Variants in NSUN6 observed in about 807,000 individuals in gnomAD.
NSUN6 encodes NOP2/Sun RNA methyltransferase 6, also known as tRNA (cytosine(72)-C(5))-methyltransferase NSUN6.
In NSUN6, 64 loss-of-function variants were observed where a neutral mutation model predicts 58.0. That is an observed-to-expected ratio of 1.10 (90% confidence interval 0.90 to 1.36). The LOEUF (loss-of-function observed/expected upper bound fraction) is 1.36. NSUN6 is among the 40% of genes most tolerant of loss of function. NSUN6 has a pLI of 0.00. For synonymous variants in NSUN6, 231 were observed against 193.9 expected (o/e 1.19, Z -1.59); for missense variants, 701 against 550.1 (o/e 1.27, Z -2.74).
upstream of NSUN6, among the ~76,000 whole-genome samples, chr10:18,658,904 TAATA>T (rs926182910): frequency 4.6e-5 from 7 of 151,054 alleles, no homozygotes; most frequent in African/African-American, 1.7e-4. Context: ...ATGAATAGAT[TAATA>T]AATGAATGAA....
At chr10:18,565,303 T>C (rs1353391322) in intron 8 of NSUN6, among the ~76,000 whole-genome samples, 2 of 150,832 alleles carry the variant, frequency 1.3e-5, no homozygotes, top group African/African-American at 4.9e-5. Flanking sequence ...CCATTCTGCA[T>C]TCTCGATTCC....
At chr10:18,634,474 G>A (rs1380881474) in intron 3 of NSUN6, among the ~76,000 whole-genome samples, 4 of 152,030 alleles carry the variant, frequency 2.6e-5, no homozygotes, top group South Asian at 2.1e-4. Flanking sequence ...AGAACAAACC[G>A]GGCCTGGTGG....
chr10:18,648,325 T>C (rs962278055), intron 2 of NSUN6, among the ~76,000 whole-genome samples, 165 bp downstream of exon 2: 7 of 152,230 alleles, frequency 4.6e-5, no homozygotes, highest in African/African-American at 1.7e-4. Context: ...GTTCAAGTTC[T>C]AGCATTACCA....
At chr10:18,592,337 G>A (rs754219641) in intron 7 of NSUN6, among the ~76,000 whole-genome samples, 5 of 152,030 alleles carry the variant, frequency 3.3e-5, no homozygotes, top group Admixed American at 6.6e-5. Context: ...ATCAAGCCAC[G>A]ATTGTCTTTC....
intron 8 of NSUN6, among the ~76,000 whole-genome samples, chr10:18,553,806 G>T (rs546446053): frequency 6.6e-6 from 1 of 151,426 alleles, no homozygotes; most frequent in East Asian, 2.0e-4. Flanking sequence ...AGAATGGAAT[G>T]GAATGCAATG....
intron 3 of NSUN6, among the ~76,000 whole-genome samples, chr10:18,630,990 T>C (rs970862935): frequency 2.6e-5 from 4 of 151,802 alleles, no homozygotes; most frequent in African/African-American, 4.8e-5. Flanking sequence ...TGAACATTGA[T>C]GCAAAAATCC....
chr10:18,581,154 C>T (rs972392964), intron 8 of NSUN6, among the ~76,000 whole-genome samples: 3 of 152,008 alleles, frequency 2.0e-5, no homozygotes. Flanking sequence ...GGAGCGTGCA[C>T]AGTGTGTTTA....
chr10:18,572,810 C>T (rs1307273643), intron 8 of NSUN6, among the ~76,000 whole-genome samples: 1 of 151,158 alleles, frequency 6.6e-6, no homozygotes, highest in African/African-American at 2.4e-5. Flanking sequence ...TACTCCATTC[C>T]CTTCCATCCT....
chr10:18,596,190 C>T lies in NSUN6; in HGVS notation c.777+18G>A. On this transcript the variant is annotated intron_variant, in intron 7 of 10. Coordinates refer to ENST00000377304, the MANE Select transcript of NSUN6 (RefSeq NM_182543.5). ...ATACACTACTTTGAGAGTGGATTTGCTGTGAAGACAGTCTCACCTGATCAT... is the reference window on the plus strand; with the variant it reads ...ATACACTACTTTGAGAGTGGATTTGTTGTGAAGACAGTCTCACCTGATCAT... The T allele has an allele frequency of 6.2e-7, 1 of 1,601,216 alleles. No homozygotes were observed.
chr10:18,564,364 A>AT (rs1211065813), intron 8 of NSUN6, among the ~76,000 whole-genome samples: 3 of 144,424 alleles, frequency 2.1e-5, no homozygotes, highest in Non-Finnish European at 4.6e-5. Context: ...CATCTGTTAC[A>AT]TTCTCCATTC....
chr10:18,634,570 T>A (rs1419411545), intron 3 of NSUN6, among the ~76,000 whole-genome samples: 1 of 146,940 alleles, frequency 6.8e-6, no homozygotes. Context: ...GCTAACATGG[T>A]GAAACCACAT....
chr10:18,639,486 C>G (rs1487691398), intron 3 of NSUN6, among the ~76,000 whole-genome samples: 1 of 151,922 alleles, frequency 6.6e-6, no homozygotes, highest in Non-Finnish European at 1.5e-5. Context: ...AGACTTGAGA[C>G]TCCGTCTCAA....
intron 2 of NSUN6, among the ~76,000 whole-genome samples, chr10:18,646,775 G>A (rs576536238): frequency 6.6e-6 from 1 of 152,286 alleles, no homozygotes; most frequent in East Asian, 1.9e-4. Context: ...AGGTTGCAGT[G>A]AGCCAAGATC....
At chr10:18,547,701 T>C (rs1421322553) in intron 10 of NSUN6, among the ~76,000 whole-genome samples, 2 of 152,200 alleles carry the variant, frequency 1.3e-5, no homozygotes, top group African/African-American at 4.8e-5. Flanking sequence ...CAGCTGGTCT[T>C]CTGATATCCC....
At chr10:18,643,041 A>C (rs752540091) in intron 2 of NSUN6, among the ~76,000 whole-genome samples, 4 of 151,978 alleles carry the variant, frequency 2.6e-5, no homozygotes, top group Non-Finnish European at 5.9e-5. Context: ...GGGAACCAGA[A>C]GATTATCACA....
At chr10:18,553,383 AG>A (rs2054740938) in intron 8 of NSUN6, among the ~76,000 whole-genome samples, 1 of 151,408 alleles carries the variant, frequency 6.6e-6, no homozygotes, top group African/African-American at 2.4e-5. Context: ...GGGAATGGGA[AG>A]GAGAATGGAA....
At chr10:18,573,949 G>A (rs1287396225) in intron 8 of NSUN6, among the ~76,000 whole-genome samples, 1 of 152,092 alleles carries the variant, frequency 6.6e-6, no homozygotes, top group Admixed American at 6.6e-5. Context: ...TTGCCCAGGA[G>A]AAGCCTAACC....
intron 6 of NSUN6, among the ~76,000 whole-genome samples, chr10:18,600,965 T>C (rs1221939000): frequency 3.8e-5 from 4 of 105,342 alleles, no homozygotes; most frequent in Non-Finnish European, 5.5e-5. Flanking sequence ...TATATACATA[T>C]ATATATATAT....
chr10:18,586,495 G>A (rs1165641615), intron 7 of NSUN6, among the ~76,000 whole-genome samples: 1 of 151,854 alleles, frequency 6.6e-6, no homozygotes, highest in South Asian at 2.1e-4. Context: ...GTCTGCAGTT[G>A]TTTGTTCCTC....
Sources: gnomAD v4.1 joint callset for allele counts (sites outside exome capture counted in the v4.1 genomes callset) on GRCh38, gnomAD v4.1.1 for gene constraint, MANE v1.5 for transcripts, NCBI Gene and HGNC (gene_info 2026-07-23, HGNC 2026-07-21) for gene names.